The following MRTFB variants were observed in gnomAD, a reference collection of about 807,000 sequenced individuals.
The protein encoded by MRTFB is myocardin related transcription factor B, also known as myocardin-related transcription factor B.
A neutral mutation model predicts 104.2 loss-of-function variants in MRTFB; 29 were observed. The observed-to-expected ratio is 0.28, with a 90% CI of 0.21 to 0.38. The LOEUF is 0.38. MRTFB is among the 10% of genes least tolerant of loss of function. The pLI is 1.00. For missense variants in MRTFB, 1,270 were observed against 1,341.6 expected (o/e 0.95, Z 0.83); for synonymous variants, 535 against 519.5 (o/e 1.03, Z -0.41).
chr16:14,130,595 T>G (rs1474511787), intron 2 of MRTFB, among the ~76,000 whole-genome samples: 1 of 152,234 alleles, frequency 6.6e-6, no homozygotes, highest in Non-Finnish European at 1.5e-5. Context: ...TTGCCAATAC[T>G]GTGTACGTGA....
At chr16:14,214,139 G>A (rs986946349) in intron 6 of MRTFB, among the ~76,000 whole-genome samples, 1 of 152,124 alleles carries the variant, frequency 6.6e-6, no homozygotes, top group African/African-American at 2.4e-5. Flanking sequence ...TCACTTACGA[G>A]GCTGGTAAGG....
intron 3 of MRTFB, among the ~76,000 whole-genome samples, chr16:14,155,820 A>G (rs928968): frequency 0.23 from 35,618 of 152,132 alleles, 7,902 homozygotes; most frequent in African/African-American, 0.57. Flanking sequence ...TTCTTGCCCA[A>G]ACTTGTGAGA....
At chr16:14,034,521 G>A in the MRTFB span, among the ~76,000 whole-genome samples, 2 of 151,700 alleles carry the variant, frequency 1.3e-5, no homozygotes, top group Admixed American at 1.3e-4. Context: ...GGCTGAGGCA[G>A]GAGAATCACT....
chr16:14,126,706 G>T (rs537911601), intron 2 of MRTFB, among the ~76,000 whole-genome samples: 1 of 152,194 alleles, frequency 6.6e-6, no homozygotes, highest in East Asian at 1.9e-4. Context: ...AAGTACGTTT[G>T]TCACCCCCAG....
intron 3 of MRTFB, chr16:14,187,039 A>G (rs775678938): frequency 5.8e-5 from 92 of 1,593,180 alleles, no homozygotes; most frequent in Admixed American, 1.4e-4. Context: ...AAGGAAGGTC[A>G]GTCTGTCTGT....
the MRTFB span, among the ~76,000 whole-genome samples, chr16:14,059,696 A>C: frequency 6.6e-6 from 1 of 152,160 alleles, no homozygotes; most frequent in Non-Finnish European, 1.5e-5. Context: ...AAGGAGGAAA[A>C]TCATGCTGGA....
chr16:14,137,310 C>T (rs1224119938), intron 2 of MRTFB, among the ~76,000 whole-genome samples: 1 of 151,936 alleles, frequency 6.6e-6, no homozygotes, highest in Non-Finnish European at 1.5e-5. Flanking sequence ...TAAAGATTTC[C>T]TTAGCTTATA....
chr16:14,101,820 T>A (rs1264860282), intron 2 of MRTFB, among the ~76,000 whole-genome samples: 1 of 152,134 alleles, frequency 6.6e-6, no homozygotes, highest in Non-Finnish European at 1.5e-5. Context: ...TGAGTTTTTT[T>A]AAAAAAGGAT....
At chr16:14,156,793 AGCC>A in intron 3 of MRTFB, among the ~76,000 whole-genome samples, 1 of 152,230 alleles carries the variant, frequency 6.6e-6, no homozygotes, top group African/African-American at 2.4e-5. Context: ...CAAAAGATTC[AGCC>A]TTTAAAAGAG....
chr16:14,001,122 A>G, the MRTFB span, among the ~76,000 whole-genome samples: 2 of 152,222 alleles, frequency 1.3e-5, no homozygotes, highest in East Asian at 3.8e-4. Flanking sequence ...CTCAGTGGCC[A>G]AGGATTTGCA....
intron 16 of MRTFB, among the ~76,000 whole-genome samples, chr16:14,260,131 A>G (rs1447936989): frequency 6.6e-6 from 1 of 152,268 alleles, no homozygotes; most frequent in Non-Finnish European, 1.5e-5. Flanking sequence ...AATAACACAT[A>G]ATGAAGACAT....
intron 16 of MRTFB, 58 bp downstream of exon 16, chr16:14,258,219 G>C: frequency 1.4e-6 from 2 of 1,452,798 alleles, no homozygotes; most frequent in Non-Finnish European, 1.9e-6. Context: ...CCAAGTTCAT[G>C]AAAGTTTTTC....
chr16:14,131,685 A>G (rs747870353), intron 2 of MRTFB, among the ~76,000 whole-genome samples: 1 of 152,190 alleles, frequency 6.6e-6, no homozygotes, highest in Non-Finnish European at 1.5e-5. Flanking sequence ...CCAATAAAAC[A>G]TGAAAAGAAA....
At chr16:14,237,226 C>G (rs1482854991) in intron 9 of MRTFB, among the ~76,000 whole-genome samples, 1 of 152,146 alleles carries the variant, frequency 6.6e-6, no homozygotes, top group Admixed American at 6.5e-5. Flanking sequence ...GGTCTAAGTA[C>G]AGGTGAAAAA....
intron 2 of MRTFB, among the ~76,000 whole-genome samples, chr16:14,112,980 T>C (rs368517326): frequency 3.3e-5 from 5 of 152,356 alleles, no homozygotes; most frequent in Admixed American, 2.0e-4. Flanking sequence ...TATTTACTTA[T>C]TGGTATATTA....
Position 14,240,436 on chromosome 16 carries a change from A to C in MRTFB, c.1031A>C (p.Gln344Pro). ...TTCCTGCAACTGCAGATCCTGAGTC[A>C]GCAGAAGCAGCACTACAACTACCAG... ...QLFLQLQILS[Q>P]QKQHYNYQTI... Residue 344 changes from glutamine to proline, a missense_variant, in exon 10 of 17, where the codon CAG becomes CCG. Coordinates refer to ENST00000571589, the MANE Select transcript of MRTFB (RefSeq NM_001308142.2). 1 of 1,614,252 alleles carries C rather than the reference A, an allele frequency of 6.2e-7. No homozygotes were observed. Among genetic ancestry groups the C allele is most frequent in the East Asian group, 2.2e-5 (1 of 44,888 alleles).
At chr16:14,048,073 A>G in the MRTFB span, among the ~76,000 whole-genome samples, 2 of 152,216 alleles carry the variant, frequency 1.3e-5, no homozygotes, top group Admixed American at 6.5e-5. Flanking sequence ...AAATACACCC[A>G]TTCCAAATGG....
At chr16:14,047,958 C>A in the MRTFB span, among the ~76,000 whole-genome samples, 2 of 152,162 alleles carry the variant, frequency 1.3e-5, no homozygotes, top group Non-Finnish European at 2.9e-5. Flanking sequence ...AGTTCATAGT[C>A]CAAAGTCTCA....
the MRTFB span, among the ~76,000 whole-genome samples, chr16:14,052,152 T>G: frequency 6.6e-6 from 1 of 150,758 alleles, no homozygotes; most frequent in Non-Finnish European, 1.5e-5. Context: ...CATGGGGGGG[T>G]GCTGATGTTT....
Sources: allele counts gnomAD v4.1 joint callset (sites outside exome capture counted in the v4.1 genomes callset), GRCh38; gene constraint gnomAD v4.1.1; transcripts MANE v1.5; gene names NCBI Gene and HGNC (gene_info 2026-07-23, HGNC 2026-07-21).